The following ATP10B variants were observed in gnomAD, a reference collection of about 807,000 sequenced individuals.
ATP10B encodes phospholipid-transporting ATPase VB.
A neutral mutation model predicts 141.2 loss-of-function variants in ATP10B; 122 were observed. The observed-to-expected ratio is 0.86, with a 90% confidence interval of 0.75 to 1.00. The LOEUF is 1.00. ATP10B is among the 50% of genes least tolerant of loss of function. The pLI, the probability that ATP10B is intolerant of heterozygous loss-of-function variation, is 0.00. For missense variants in ATP10B, 1,876 were observed against 1,825.3 expected, an observed-to-expected ratio of 1.03 and a Z score of -0.51; for synonymous variants, 685 against 692.0, an observed-to-expected ratio of 0.99 and a Z score of 0.16.
chr5:160,633,556 T>C (rs1376539758), intron 12 of ATP10B: 4 of 150,648 alleles, frequency 2.7e-5, no homozygotes, highest in Admixed American at 2.6e-4. Context: ...CATCGGGGGG[T>C]TGGGGGCTAG....
the ATP10B span, among the ~76,000 whole-genome samples, chr5:160,900,089 C>T: frequency 6.6e-6 from 1 of 152,132 alleles, no homozygotes; most frequent in South Asian, 2.1e-4. Context: ...TCAGTAGCTC[C>T]TGTAGAAAAT....
chr5:160,925,151 T>C, the ATP10B span, among the ~76,000 whole-genome samples: 1 of 152,242 alleles, frequency 6.6e-6, no homozygotes. Flanking sequence ...AATATGACAA[T>C]GAAGAGGGAA....
chr5:160,719,428 A>G (rs1231827886), intron 2 of ATP10B, among the ~76,000 whole-genome samples: 1 of 152,226 alleles, frequency 6.6e-6, no homozygotes, highest in Non-Finnish European at 1.5e-5. Context: ...AACTGCAACT[A>G]CTTTTGCAAC....
intron 3 of ATP10B, among the ~76,000 whole-genome samples, chr5:160,698,347 C>T (rs112063056): frequency 3.3e-5 from 5 of 151,928 alleles, no homozygotes; most frequent in African/African-American, 1.2e-4. Context: ...CCATTTTCTT[C>T]TTAACCACTG....
chr5:160,694,701 T>A (rs1764266592), intron 3 of ATP10B, among the ~76,000 whole-genome samples: 1 of 152,214 alleles, frequency 6.6e-6, no homozygotes, highest in South Asian at 2.1e-4. Flanking sequence ...ACGGGATAAA[T>A]CAACTAGTCA....
intron 1 of ATP10B, among the ~76,000 whole-genome samples, chr5:160,825,487 C>A (rs1774523902): frequency 6.6e-6 from 1 of 152,180 alleles, no homozygotes; most frequent in Non-Finnish European, 1.5e-5. Flanking sequence ...CATTGTGAGG[C>A]CTCCCCAGCA....
At chr5:160,653,738 AT>A in intron 7 of ATP10B, among the ~76,000 whole-genome samples, 1 of 126,784 alleles carries the variant, frequency 7.9e-6, no homozygotes, top group African/African-American at 3.2e-5. Flanking sequence ...TTATATATAC[AT>A]ATATTACATA....
intron 6 of ATP10B, 95 bp from the exon 7 acceptor site, chr5:160,670,762 C>T (rs1762640004): frequency 3.6e-6 from 4 of 1,104,108 alleles, no homozygotes; most frequent in East Asian, 4.7e-5. Context: ...ACCTAACTAT[C>T]CACCAAGTCA....
chr5:160,691,470 C>A (rs1764073491), intron 3 of ATP10B, among the ~76,000 whole-genome samples: 1 of 151,892 alleles, frequency 6.6e-6, no homozygotes, highest in Non-Finnish European at 1.5e-5. Flanking sequence ...TCTTAAAGAC[C>A]CAGAAGGATA....
intron 6 of ATP10B, 65 bp downstream of exon 6, chr5:160,686,014 G>A (rs931706529): frequency 8.3e-7 from 1 of 1,201,524 alleles, no homozygotes; most frequent in Non-Finnish European, 1.1e-6. Flanking sequence ...GACTCATCCT[G>A]AGGCTATGCT....
At chr5:160,909,159 G>A in the ATP10B span, among the ~76,000 whole-genome samples, 1 of 152,186 alleles carries the variant, frequency 6.6e-6, no homozygotes, top group Non-Finnish European at 1.5e-5. Flanking sequence ...AGAAGGGCAG[G>A]CACTGAGGCC....
At chr5:160,633,198 A>C (rs1252684434) in intron 12 of ATP10B, 2 of 152,234 alleles carry the variant, frequency 1.3e-5, no homozygotes, top group African/African-American at 4.8e-5. Context: ...TTTGACCAGC[A>C]ATCCCATTAC....
chr5:160,927,130 A>T, the ATP10B span, among the ~76,000 whole-genome samples: 1 of 152,212 alleles, frequency 6.6e-6, no homozygotes, highest in Admixed American at 6.5e-5. Context: ...AGTACAGCTC[A>T]TAGAAACACC....
At chr5:160,828,211 G>A (rs1271223312) in intron 1 of ATP10B, among the ~76,000 whole-genome samples, 1 of 152,060 alleles carries the variant, frequency 6.6e-6, no homozygotes, top group Non-Finnish European at 1.5e-5. Context: ...TTGACAAATG[G>A]GATCTAATTA....
the ATP10B span, among the ~76,000 whole-genome samples, chr5:160,889,856 A>G: frequency 6.6e-6 from 1 of 152,090 alleles, no homozygotes; most frequent in Non-Finnish European, 1.5e-5. Flanking sequence ...TCTCATATCT[A>G]CAACCAGCTA....
chr5:160,630,613 C>T (rs1183876866), intron 13 of ATP10B, among the ~76,000 whole-genome samples: 1 of 151,994 alleles, frequency 6.6e-6, no homozygotes, highest in African/African-American at 2.4e-5. Flanking sequence ...GAAAATAACT[C>T]GGGGAAGTGC....
chr5:160,584,282 C>A (rs1185067818), intron 24 of ATP10B, among the ~76,000 whole-genome samples: 2 of 152,100 alleles, frequency 1.3e-5, no homozygotes, highest in Non-Finnish European at 2.9e-5. Context: ...TTGGCTAGGG[C>A]AGGCAGTTCC....
chr5:160,617,375 C>G (rs1481586714), intron 16 of ATP10B, among the ~76,000 whole-genome samples: 1 of 152,186 alleles, frequency 6.6e-6, no homozygotes, highest in Non-Finnish European at 1.5e-5. Context: ...TGGCCAACCA[C>G]AGAACACAGC....
In ATP10B at chr5:160,830,995, A is replaced by T. The variant is rs1028613643; in HGVS notation, c.-576+20946T>A. The stretch of plus-strand genomic sequence containing the variant: ...AACACACACACACACACACACACAC[A>T]CACAGAGTGGACAGAATAGTGTAGT... On this transcript the variant is annotated intron_variant, in intron 1 of 25. Transcript: ENST00000327245. 3.4e-5 allele frequency among the ~76,000 whole-genome samples: 4 copies of T among 117,350 alleles called. No individual in the cohort carries two copies. The South Asian group carries it at 8.6e-4, about 25-fold the overall frequency. The allele number at this position is 117,350 out of a possible 152,430, so 77.0% of individuals were successfully genotyped here.
Sources: gnomAD v4.1 joint callset for allele counts (sites outside exome capture counted in the v4.1 genomes callset) on GRCh38, gnomAD v4.1.1 for gene constraint, MANE v1.5 for transcripts, NCBI Gene and HGNC (gene_info 2026-07-23, HGNC 2026-07-21) for gene names.